PLCB4: variants seen among roughly 807,000 people sequenced by gnomAD.
PLCB4 encodes phospholipase C beta 4.
A neutral mutation model predicts 178.8 loss-of-function variants in PLCB4; 77 were observed. The observed-to-expected ratio is 0.43, with a 90% CI of 0.36 to 0.52. The LOEUF is 0.52. Among genes scored for constraint, PLCB4 ranks in the 20% least tolerant of loss-of-function variants. The pLI, the probability that PLCB4 is intolerant of heterozygous loss-of-function variation, is 0.00. For synonymous variants in PLCB4, 496 were observed against 490.8 expected, an observed-to-expected ratio of 1.01 and a Z score of -0.14; for missense variants, 1,024 against 1,453.4, an observed-to-expected ratio of 0.70 and a Z score of 4.80.
chr20:9,416,283 G>A (rs995360194), intron 25 of PLCB4, among the ~76,000 whole-genome samples: 1 of 152,162 alleles, frequency 6.6e-6, no homozygotes, highest in Non-Finnish European at 1.5e-5. Flanking sequence ...TCTTATTTTG[G>A]TGGGTAGGAA....
At chr20:9,202,379 A>G (rs1051263844) in intron 2 of PLCB4, among the ~76,000 whole-genome samples, 2 of 152,238 alleles carry the variant, frequency 1.3e-5, no homozygotes, top group African/African-American at 4.8e-5. Context: ...TGAATTAAAA[A>G]TAAAAATAAA....
intron 3 of PLCB4, among the ~76,000 whole-genome samples, chr20:9,306,524 G>GT (rs747994621): frequency 3.9e-5 from 6 of 152,224 alleles, no homozygotes; most frequent in Non-Finnish European, 7.4e-5. Context: ...TAAATTTCTA[G>GT]TATCTGTGGT....
chr20:9,354,379 C>T (rs1056561926), intron 7 of PLCB4, among the ~76,000 whole-genome samples: 4 of 152,296 alleles, frequency 2.6e-5, no homozygotes, highest in East Asian at 1.9e-4. Flanking sequence ...CCTCCAGTGG[C>T]CACCTACACA....
chr20:9,362,530 A>C (rs2035432346), intron 7 of PLCB4, among the ~76,000 whole-genome samples: 1 of 152,230 alleles, frequency 6.6e-6, no homozygotes, highest in Admixed American at 6.5e-5. Flanking sequence ...ATAGTTAAAT[A>C]TGTCATGTAT....
intron 34 of PLCB4, among the ~76,000 whole-genome samples, chr20:9,459,276 G>A (rs1427016755): frequency 1.3e-5 from 2 of 152,154 alleles, no homozygotes; most frequent in Non-Finnish European, 2.9e-5. Flanking sequence ...CCCAGGAGGT[G>A]GAGGTTGCAG....
intron 4 of PLCB4, among the ~76,000 whole-genome samples, chr20:9,324,431 AAAC>A (rs556728074): frequency 1.1e-4 from 16 of 152,044 alleles, no homozygotes; most frequent in East Asian, 5.8e-4. Context: ...TCTGTCTCAA[AAAC>A]AACAACAACA....
intron 2 of PLCB4, among the ~76,000 whole-genome samples, chr20:9,203,489 T>G (rs1162287208): frequency 6.6e-6 from 1 of 152,212 alleles, no homozygotes; most frequent in Non-Finnish European, 1.5e-5. Context: ...TATTCTTAGT[T>G]TAATTTGCAC....
At chr20:9,404,783 G>A (rs547984716) in intron 20 of PLCB4, among the ~76,000 whole-genome samples, 89 of 152,218 alleles carry the variant, frequency 5.8e-4, no homozygotes, top group African/African-American at 2.0e-3. Context: ...TCCTAATGTG[G>A]GGGGCCTTCT....
chr20:9,331,624 A>T (rs1292962685), intron 4 of PLCB4, among the ~76,000 whole-genome samples: 3 of 152,230 alleles, frequency 2.0e-5, no homozygotes, highest in Non-Finnish European at 4.4e-5. Flanking sequence ...TATTGAACAG[A>T]ATCACTTTAA....
rs909388437 is a variant in PLCB4 at position 9,219,676 on chromosome 20, T to C, written c.-16+2224T>C. Among the ~76,000 whole-genome samples, 5 of 152,142 alleles carry C rather than the reference T, an allele frequency of 3.3e-5. No individual in the cohort carries two copies. In the East Asian group the frequency reaches 5.8e-4, roughly 18 times the overall value. On this transcript the variant is annotated intron_variant, in intron 3 of 39. Transcript: ENST00000378473. Reference sequence around the variant, plus strand: ...CATCCTCTCCTAAAAATAAAACCATTTGGCCTCTACTCTAGCATCATTCAC... The same window carrying C: ...CATCCTCTCCTAAAAATAAAACCATCTGGCCTCTACTCTAGCATCATTCAC...
At chr20:9,439,145 A>T (rs2041957843) in intron 30 of PLCB4, among the ~76,000 whole-genome samples, 1 of 152,198 alleles carries the variant, frequency 6.6e-6, no homozygotes, top group African/African-American at 2.4e-5. Flanking sequence ...GACAACCACC[A>T]TTTATTGAGA....
In PLCB4 at chr20:9,260,392, C is replaced by T. The variant is rs534643889; in HGVS notation, c.-16+42940C>T. Among the ~76,000 whole-genome samples, 13 of 151,906 alleles carry T rather than the reference C, an allele frequency of 8.6e-5. No individual in the cohort carries two copies. In the South Asian group the frequency reaches 1.0e-3, roughly 12 times the overall value. ...AAGGATATCTTGTGTAGTTTTTTGG[C>T]AGGGGTTGTTGAATAATTTGTCAGT... On this transcript the variant is annotated intron_variant, in intron 3 of 39. Coordinates refer to ENST00000378473, the MANE Select transcript of PLCB4 (RefSeq NM_001377142.1).
intron 38 of PLCB4, 22 bp from the exon 39 acceptor site, chr20:9,476,695 A>C: frequency 1.3e-6 from 2 of 1,570,336 alleles, no homozygotes; most frequent in South Asian, 2.2e-5. Context: ...CAATTTTGAC[A>C]TTACTATTTT....
At chr20:9,246,884 A>G (rs912507303) in intron 3 of PLCB4, among the ~76,000 whole-genome samples, 2 of 152,182 alleles carry the variant, frequency 1.3e-5, no homozygotes, top group East Asian at 3.8e-4. Context: ...AATAGTGTTT[A>G]TTAATACCTA....
intron 2 of PLCB4, among the ~76,000 whole-genome samples, chr20:9,138,432 A>G (rs1170095152): frequency 6.6e-6 from 1 of 152,154 alleles, no homozygotes; most frequent in Non-Finnish European, 1.5e-5. Flanking sequence ...TAGATATCAT[A>G]TAGCACATGT....
intron 2 of PLCB4, among the ~76,000 whole-genome samples, chr20:9,213,128 CTTTTTTTTTTTTTTT>C (rs56785951): frequency 0.015 from 536 of 35,772 alleles, 16 homozygotes; most frequent in Middle Eastern, 0.02. Flanking sequence ...CGTTAGCATA[CTTTTTTTTTTTTTTT>C]TTTTTTTTTT....
chr20:9,365,320 A>G, intron 8 of PLCB4, 141 bp from the exon 9 acceptor site: 1 of 566,594 alleles, frequency 1.8e-6, no homozygotes, highest in Non-Finnish European at 3.2e-6. Context: ...ACAACCCTAA[A>G]TTCATCTTAT....
chr20:9,325,901 T>G (rs2030453058), intron 4 of PLCB4, among the ~76,000 whole-genome samples: 2 of 152,218 alleles, frequency 1.3e-5, no homozygotes. Flanking sequence ...ACAACACATT[T>G]ATCCCTCACA....
chr20:9,448,420 G>A, intron 32 of PLCB4, among the ~76,000 whole-genome samples: 1 of 152,060 alleles, frequency 6.6e-6, no homozygotes, highest in African/African-American at 2.4e-5. Context: ...GGCCCAAACA[G>A]CCCTTGGTAG....
Sources: gnomAD v4.1 joint callset for allele counts (sites outside exome capture counted in the v4.1 genomes callset) on GRCh38, gnomAD v4.1.1 for gene constraint, MANE v1.5 for transcripts, NCBI Gene and HGNC (gene_info 2026-07-23, HGNC 2026-07-21) for gene names.